Variants in CFAP99 observed in about 807,000 individuals in gnomAD.
CFAP99 encodes cilia- and flagella-associated protein 99.
In CFAP99, 84 loss-of-function variants were observed where a neutral mutation model predicts 82.7. The observed-to-expected ratio is 1.02, with a 90% CI of 0.85 to 1.22. The LOEUF (loss-of-function observed/expected upper bound fraction) is 1.22. Ranked by LOEUF, CFAP99 falls within the 50% of genes most tolerant of loss-of-function variation. CFAP99 has a pLI of 0.00. For synonymous variants in CFAP99, 456 were observed against 429.5 expected (o/e 1.06, Z -0.76); for missense variants, 1,059 against 983.5 (o/e 1.08, Z -1.03).
intron 8 of CFAP99, 116 bp downstream of exon 8, chr4:2,450,121 C>A: frequency 9.8e-7 from 1 of 1,017,340 alleles, no homozygotes; most frequent in Non-Finnish European, 1.5e-6. Flanking sequence ...CACTGAGGGC[C>A]GGGGAGGGGC....
exon 13 of CFAP99, chr4:2,459,208 G>A (rs767454884): frequency 1.2e-5 from 18 of 1,535,574 alleles, no homozygotes; most frequent in African/African-American, 9.6e-5. Context: ...CCAGCTGCGC[G>A]CACTCGAGAC....
chr4:2,449,298 G>A (rs1193756471), intron 6 of CFAP99, among the ~76,000 whole-genome samples: 3 of 152,044 alleles, frequency 2.0e-5, no homozygotes, highest in Non-Finnish European at 4.4e-5. Context: ...TGCCCAGGCA[G>A]CCATCTTCCG....
At chr4:2,450,037 G>T in intron 8 of CFAP99, 32 bp downstream of exon 8, 13 of 1,531,054 alleles carry the variant, frequency 8.5e-6, no homozygotes, top group Middle Eastern at 3.3e-4. Context: ...ACCCATCATC[G>T]AGGTGCCATC....
intron 2 of CFAP99, among the ~76,000 whole-genome samples, chr4:2,433,533 C>A (rs1486439878): frequency 6.6e-6 from 1 of 152,116 alleles, no homozygotes; most frequent in Non-Finnish European, 1.5e-5. Context: ...GCCAGCCCCC[C>A]GCAGGATCCC....
chr4:2,433,431 G>C (rs981654810), intron 2 of CFAP99, among the ~76,000 whole-genome samples: 12 of 151,358 alleles, frequency 7.9e-5, no homozygotes, highest in African/African-American at 2.9e-4. Flanking sequence ...ACGGGGCGGG[G>C]GGGGGACCAG....
chr4:2,425,162 G>A (rs1368751256), intron 1 of CFAP99, among the ~76,000 whole-genome samples: 2 of 152,206 alleles, frequency 1.3e-5, no homozygotes, highest in East Asian at 3.9e-4. Context: ...CTTGGACGCT[G>A]TATCTCCTCT....
chr4:2,423,501 G>A (rs562581479), intron 1 of CFAP99, among the ~76,000 whole-genome samples: 1 of 152,356 alleles, frequency 6.6e-6, no homozygotes, highest in East Asian at 1.9e-4. Context: ...AGCTAGAGGG[G>A]ATCAGAGGAG....
In CFAP99 at chr4:2,448,918, G is replaced by T. The variant is rs1032333953; in HGVS notation, c.643-752G>T. Among the ~76,000 whole-genome samples the T allele has an allele frequency of 6.6e-6, 1 of 152,204 alleles. No individual in the cohort carries two copies. Among genetic ancestry groups the T allele is most frequent in the East Asian group, 1.9e-4 (1 of 5,204 alleles). On this transcript the variant is annotated intron_variant, in intron 6 of 14. Coordinates refer to ENST00000635017, the Ensembl canonical transcript of CFAP99. This position sits in a 1 kb window ranked among gnomAD's most constrained non-coding sequence, Gnocchi z 5.2. ...AGCAGGTGGGCAGGAGATGGATGTGGGTGTGAGAGACAGAGGTGACAAGGA... is the reference window on the plus strand; with the variant it reads ...AGCAGGTGGGCAGGAGATGGATGTGTGTGTGAGAGACAGAGGTGACAAGGA...
Position 2,452,360 on chromosome 4 carries a change from A to AGGGCAGCTGGGCATGGGGC in CFAP99, c.1161+15_1161+33dup. ...CAGAAGGAGCAGGTGGGTGCCATGC[A>AGGGCAGCTGGGCATGGGGC]GGGCAGCTGGGCATGGGGCAGCCAG... On this transcript the variant is annotated intron_variant, in intron 11 of 14. Coordinates refer to ENST00000635017, the Ensembl canonical transcript of CFAP99. 6.5e-7 allele frequency: 1 copy of AGGGCAGCTGGGCATGGGGC among 1,531,500 alleles called. No homozygotes were observed. The highest frequency in any genetic ancestry group is 1.4e-5 in the African/African-American group (1 of 73,008). The allele number at this position is 1,531,500 out of a possible 1,614,324, so 94.9% of individuals were successfully genotyped here. A position where few individuals can be genotyped will look rare whatever the true frequency, so the allele number is the denominator to read the frequency against.
intron 2 of CFAP99, among the ~76,000 whole-genome samples, chr4:2,434,928 CTG>C (rs1005649235): frequency 6.6e-6 from 1 of 152,202 alleles, no homozygotes; most frequent in African/African-American, 2.4e-5. Context: ...TGTGTGGAAA[CTG>C]AGGCCCCACA....
intron 1 of CFAP99, among the ~76,000 whole-genome samples, chr4:2,421,350 C>CTTTTTTTTTTTTTTTTTTTTTTTT: frequency 1.0e-5 from 1 of 96,984 alleles, no homozygotes; most frequent in Non-Finnish European, 1.9e-5. Flanking sequence ...TCTGCCCACC[C>CTTTTTTTTTTTTTTTTTTTTTTTT]TTTTTTTTTT....
intron 6 of CFAP99, among the ~76,000 whole-genome samples, chr4:2,447,258 CTGGA>C (rs747399519): frequency 1.4e-4 from 19 of 139,728 alleles, no homozygotes; most frequent in African/African-American, 3.8e-4. Flanking sequence ...AGATGGATGA[CTGGA>C]TGGATGGATG....
Position 2,462,917 on chromosome 4 carries a change from G to C in CFAP99, c.2136G>C (p.Glu712Asp). ...GACCCGGGCCCGCGCGCCGCCTGGAGGCCGCCTGAGCCGGGCCGAGCGCGC... is the reference window on the plus strand; with the variant it reads ...GACCCGGGCCCGCGCGCCGCCTGGACGCCGCCTGAGCCGGGCCGAGCGCGC... Residue 712 changes from glutamate (E) to aspartate (D), a missense_variant, in exon 15 of 15, where the codon GAG becomes GAC. By Grantham distance (45) the Glu-to-Asp change is conservative. Coordinates refer to ENST00000635017, the Ensembl canonical transcript of CFAP99. This position sits in a 1 kb window ranked among gnomAD's most constrained non-coding sequence, Gnocchi z 4.1. The C allele has an allele frequency of 7.7e-7, 1 of 1,302,268 alleles. No homozygotes were observed. The highest frequency in any genetic ancestry group is 3.2e-5 in the East Asian group (1 of 31,086). 80.7% of individuals were successfully genotyped at this position (1,302,268 alleles called of 1,614,324 possible).
At chr4:2,431,432 C>T (rs1252094869) in intron 2 of CFAP99, among the ~76,000 whole-genome samples, 1 of 152,078 alleles carries the variant, frequency 6.6e-6, no homozygotes, top group Admixed American at 6.6e-5. Flanking sequence ...GAAATATGGT[C>T]TGTGCAGATG....
intron 11 of CFAP99, 121 bp from the exon 12 acceptor site, chr4:2,458,602 T>A (rs990067758): frequency 7.0e-6 from 9 of 1,281,840 alleles, no homozygotes; most frequent in Admixed American, 2.9e-5. Flanking sequence ...GGTTCTGGGG[T>A]GATTCAAGGG....
intron 13 of CFAP99, among the ~76,000 whole-genome samples, chr4:2,459,560 G>GAA (rs1467089382): frequency 6.6e-6 from 1 of 152,240 alleles, no homozygotes; most frequent in Non-Finnish European, 1.5e-5. Flanking sequence ...GGCCAGGGTG[G>GAA]AAAGGGCAGT....
At chr4:2,440,501 C>G (rs1023438983) in intron 4 of CFAP99, among the ~76,000 whole-genome samples, 1 of 151,316 alleles carries the variant, frequency 6.6e-6, no homozygotes, top group South Asian at 2.1e-4. Context: ...CCTGTAATCC[C>G]AAAACTTTGG....
chr4:2,421,068 G>T (rs1733574322), intron 1 of CFAP99, among the ~76,000 whole-genome samples: 1 of 152,224 alleles, frequency 6.6e-6, no homozygotes, highest in Admixed American at 6.5e-5. Context: ...AGGGGTAGTG[G>T]AGATTGAAAA....
intron 2 of CFAP99, among the ~76,000 whole-genome samples, chr4:2,435,624 T>C (rs897770788): frequency 3.3e-5 from 5 of 152,196 alleles, no homozygotes; most frequent in Admixed American, 6.5e-5. Flanking sequence ...AAAATACAAG[T>C]GTTCAGAAAA....
Sources: gnomAD v4.1 joint callset for allele counts (sites outside exome capture counted in the v4.1 genomes callset) on GRCh38, gnomAD v4.1.1 for gene constraint, Gnocchi (gnomAD v3.1) non-coding constraint, MANE v1.5 for transcripts, NCBI Gene and HGNC (gene_info 2026-07-23, HGNC 2026-07-21) for gene names.